Variants in CCDC150 observed in about 807,000 individuals in gnomAD.
CCDC150 encodes coiled-coil domain containing 150, also known as coiled-coil domain-containing protein 150.
CCDC150 carries 151 observed loss-of-function variants against 156.5 expected under a neutral mutation model. The ratio of observed to expected loss-of-function variants is 0.97; its 90% CI spans 0.85 to 1.10. The LOEUF is 1.10. Ranked by LOEUF, CCDC150 falls within the 50% of genes least tolerant of loss-of-function variation. The pLI, the probability that CCDC150 is intolerant of heterozygous loss-of-function variation, is 0.00. For synonymous variants in CCDC150, 452 were observed against 429.4 expected, an observed-to-expected ratio of 1.05 and a Z score of -0.65; for missense variants, 1,312 against 1,268.1, an observed-to-expected ratio of 1.03 and a Z score of -0.53.
intron 17 of CCDC150, chr2:196,713,434 CAG>C: frequency 6.5e-7 from 1 of 1,549,908 alleles, no homozygotes; most frequent in African/African-American, 1.4e-5. Flanking sequence ...CCCATGTAAA[CAG>C]TATAAAGGAA....
At position 196,718,633 on chromosome 2, in the gene CCDC150, CA is replaced by C. The variant is rs1448990604; in HGVS notation, c.1995+4del. ...GTGGAGGACAGGGAAAACAAGAAGGCAAGGAATCAGTCCCTTCTGACCGTCT... is the reference window on the plus strand; with the variant it reads ...GTGGAGGACAGGGAAAACAAGAAGGCAGGAATCAGTCCCTTCTGACCGTCT... On this transcript the variant is annotated splice_donor_region_variant and intron_variant, in intron 18 of 27. Coordinates refer to ENST00000389175, the MANE Select transcript of CCDC150 (RefSeq NM_001080539.2). 1 of 1,612,938 alleles carries C rather than the reference CA, an allele frequency of 6.2e-7. No individual in the cohort carries two copies.
At chr2:196,677,243 G>T in intron 12 of CCDC150, 50 bp from the exon 13 acceptor site, 1 of 1,190,638 alleles carries the variant, frequency 8.4e-7, no homozygotes, top group Non-Finnish European at 1.2e-6. Flanking sequence ...GAGCCTGTCA[G>T]CTGCTATAAA....
intron 5 of CCDC150, among the ~76,000 whole-genome samples, chr2:196,663,472 CA>C (rs1188188650): frequency 1.2e-5 from 1 of 83,740 alleles, no homozygotes; most frequent in Non-Finnish European, 2.4e-5. Context: ...GAGATTTATT[CA>C]AATACTATTG....
At position 196,666,824 on chromosome 2, in the gene CCDC150, A is replaced by T. The variant is rs1217180984; in HGVS notation, c.868A>T (p.Thr290Ser). 1 of 1,613,632 alleles carries T rather than the reference A, an allele frequency of 6.2e-7. No homozygotes were observed. The highest frequency in any genetic ancestry group is 1.7e-5 in the Admixed American group (1 of 60,008). ...AAAAAAAGAAGAGTTGGAGATTGCT[A>T]CTTCACAGCTCAAATCTGATCTAAG... ...QKKKEELEIA[T>S]SQLKSDLTSR... Residue 290 changes from threonine to serine, a missense_variant, in exon 7 of 28, where the codon ACT (threonine) becomes TCT (serine). Coordinates refer to ENST00000389175, the MANE Select transcript of CCDC150 (RefSeq NM_001080539.2).
chr2:196,711,923 T>C (rs1030068941), intron 15 of CCDC150, among the ~76,000 whole-genome samples: 6 of 152,092 alleles, frequency 3.9e-5, no homozygotes, highest in African/African-American at 1.4e-4. Context: ...AAATGAGTTA[T>C]CTCAGTACAT....
chr2:196,715,083 A>G (rs189998194), intron 17 of CCDC150, among the ~76,000 whole-genome samples: 30 of 152,264 alleles, frequency 2.0e-4, no homozygotes, highest in African/African-American at 4.8e-5. Context: ...TGGAGTTCCT[A>G]TGCCTTCCTA....
At chr2:196,715,313 G>GAT (rs755557598) in intron 17 of CCDC150, among the ~76,000 whole-genome samples, 3 of 151,786 alleles carry the variant, frequency 2.0e-5, no homozygotes, top group South Asian at 2.1e-4. Flanking sequence ...ACTGCTTCAA[G>GAT]ATATATATAT....
intron 2 of CCDC150, among the ~76,000 whole-genome samples, chr2:196,650,234 A>G (rs563785240): frequency 6.6e-6 from 1 of 152,360 alleles, no homozygotes; most frequent in East Asian, 1.9e-4. Context: ...CTTTCTCTAC[A>G]TCTATTGAGA....
intron 21 of CCDC150, 115 bp downstream of exon 21, chr2:196,721,806 C>T: frequency 4.8e-6 from 4 of 833,910 alleles, no homozygotes; most frequent in Non-Finnish European, 7.2e-6. Context: ...CTACTTTGCC[C>T]TAGTACTTCC....
intron 5 of CCDC150, among the ~76,000 whole-genome samples, chr2:196,659,746 T>C (rs968878824): frequency 6.6e-6 from 1 of 152,186 alleles, no homozygotes; most frequent in Non-Finnish European, 1.5e-5. Flanking sequence ...TATACCCCTC[T>C]CTCCACTCCT....
At chr2:196,700,123 G>A (rs1160729645) in intron 14 of CCDC150, among the ~76,000 whole-genome samples, 1 of 152,154 alleles carries the variant, frequency 6.6e-6, no homozygotes, top group East Asian at 1.9e-4. Context: ...ACTCTGTTCT[G>A]TTATTCACAG....
Position 196,721,533 on chromosome 2 carries a change from A to G in CCDC150, c.2271A>G (p.Leu757=). 6.2e-7 allele frequency: 1 copy of G among 1,600,452 alleles called. No homozygotes were observed. The highest frequency in any genetic ancestry group is 8.5e-7 in the Non-Finnish European group (1 of 1,174,846). Residue 757 remains leucine (L), a synonymous_variant, in exon 21 of 28, where the codon CTA becomes CTG. Transcript: ENST00000389175. ...CTTCTCTCTTTCAGATTGAATCTCTACAAAAAGCTCTAGGTGTAGCTAGAG... is the reference window on the plus strand; with the variant it reads ...CTTCTCTCTTTCAGATTGAATCTCTGCAAAAAGCTCTAGGTGTAGCTAGAG... ...EDQHNSEIES[L]QKALGVARED...
At chr2:196,718,707 C>T (rs1374679987) in intron 18 of CCDC150, 76 bp downstream of exon 18, 16 of 1,511,734 alleles carry the variant, frequency 1.1e-5, no homozygotes, top group East Asian at 2.3e-5. Flanking sequence ...CCATATGTTT[C>T]GCTTTCTTGC....
chr2:196,681,278 T>G (rs1312235336), intron 13 of CCDC150, among the ~76,000 whole-genome samples: 1 of 152,326 alleles, frequency 6.6e-6, no homozygotes, highest in Middle Eastern at 3.4e-3. Context: ...CATTGTAGTA[T>G]GTATCAGTAC....
intron 19 of CCDC150, chr2:196,720,042 C>A: frequency 3.1e-6 from 1 of 324,056 alleles, no homozygotes; most frequent in Non-Finnish European, 6.3e-6. Flanking sequence ...AATTAATTAT[C>A]CATTTATTAC....
At chr2:196,640,832 G>C (rs1441994863) in intron 1 of CCDC150, among the ~76,000 whole-genome samples, 1 of 152,216 alleles carries the variant, frequency 6.6e-6, no homozygotes, top group Non-Finnish European at 1.5e-5. Flanking sequence ...TCCACCATTT[G>C]GAGTGGGAGG....
Position 196,697,397 on chromosome 2 carries a change from A to C in CCDC150, c.1623+2238A>C, listed in dbSNP as rs1477252193. ...CAGTCACGCAGGGAACCACAGTGAG[A>C]AAAGATCCAAATGTAGGAAGGTTAC... On this transcript the variant is annotated intron_variant, in intron 14 of 27. Transcript: ENST00000389175. 2.0e-5 allele frequency among the ~76,000 whole-genome samples: 3 copies of C among 152,100 alleles called. No individual in the cohort carries two copies. In the South Asian group the frequency reaches 6.2e-4, roughly 32 times the overall value.
At chr2:196,714,219 G>T (rs1697333953) in intron 17 of CCDC150, among the ~76,000 whole-genome samples, 1 of 151,984 alleles carries the variant, frequency 6.6e-6, no homozygotes, top group Non-Finnish European at 1.5e-5. Context: ...AATGAAGGAA[G>T]CAGCGAAAGC....
At chr2:196,651,844 A>T (rs1456523666) in intron 2 of CCDC150, among the ~76,000 whole-genome samples, 1 of 152,230 alleles carries the variant, frequency 6.6e-6, no homozygotes. Flanking sequence ...CTGTAAAAAC[A>T]TGGTGCCAGC....
Sources: allele counts gnomAD v4.1 joint callset (sites outside exome capture counted in the v4.1 genomes callset), GRCh38; gene constraint gnomAD v4.1.1; transcripts MANE v1.5; gene names NCBI Gene and HGNC (gene_info 2026-07-23, HGNC 2026-07-21).